The following BCOR variants were observed in gnomAD, a reference collection of about 807,000 sequenced individuals.
The protein encoded by BCOR is BCL-6 corepressor.
In BCOR, 10 loss-of-function variants were observed where a neutral mutation model predicts 86.7. The ratio of observed to expected loss-of-function variants is 0.12; its 90% CI spans 0.07 to 0.20. The LOEUF is 0.20. Among genes scored for constraint, BCOR ranks in the 10% least tolerant of loss-of-function variants. The pLI is 1.00. For missense variants in BCOR, 1,259 were observed against 1,452.1 expected, an observed-to-expected ratio of 0.87 and a Z score of 2.16; for synonymous variants, 611 against 609.0, an observed-to-expected ratio of 1.00 and a Z score of -0.05.
chrX:40,077,861 A>G lies in BCOR; in HGVS notation c.69T>C (p.Cys23=). 8.3e-7 allele frequency: 1 copy of G among 1,211,652 alleles called. No homozygotes were observed. Among genetic ancestry groups the G allele is most frequent in the South Asian group, 1.8e-5 (1 of 57,005 alleles). ...SWMNSERVRM[C]GASEDRKILV... ...GCATTCACCTGTCTTCGCTCGCCCC[A>G]CACATGCGGACCCTCTCGCTGTTCA... is the stretch of plus-strand genomic sequence containing the variant. Residue 23 remains cysteine (C), a synonymous_variant, in exon 2 of 15, where the codon TGT becomes TGC. Transcript: ENST00000378444.
chrX:40,078,655 A>G (rs910289788), intron 1 of BCOR, among the ~76,000 whole-genome samples: 2 of 112,327 alleles, frequency 1.8e-5, no homozygotes, highest in African/African-American at 6.5e-5. Context: ...GAGTAATTCA[A>G]TGACGCCTGC....
rs948045522 is a variant in BCOR at position 40,106,420 on chromosome X, T to C, written c.-40-28451A>G. Among the ~76,000 whole-genome samples, 11 of 112,055 alleles carry C rather than the reference T, an allele frequency of 9.8e-5. No individual in the cohort carries two copies. In the South Asian group the frequency reaches 3.6e-3, roughly 37 times the overall value. On this transcript the variant is annotated intron_variant, in intron 1 of 14. Coordinates refer to the BCOR transcript ENST00000342274. ...CCCGCGGGCCCGGAGTCCCCGCCTG[T>C]CTGGCTGCTAATCGCACGCTTTCTG...
intron 1 of BCOR, among the ~76,000 whole-genome samples, chrX:40,161,046 G>T (rs1569200152): frequency 9.5e-6 from 1 of 105,162 alleles, no homozygotes; most frequent in Non-Finnish European, 1.9e-5. Context: ...CTGTTGCCCA[G>T]GTCGAAGTGC....
At chrX:40,153,373 C>T (rs1938211976) in intron 1 of BCOR, among the ~76,000 whole-genome samples, 1 of 112,373 alleles carries the variant, frequency 8.9e-6, no homozygotes, top group Non-Finnish European at 1.9e-5. Context: ...TGTTTGATGA[C>T]CGCTTGGCGG....
At chrX:40,147,322 A>C (rs1232296254) in intron 1 of BCOR, among the ~76,000 whole-genome samples, 2 of 112,584 alleles carry the variant, frequency 1.8e-5, no homozygotes, top group Non-Finnish European at 3.8e-5. Context: ...CAAAACAAAA[A>C]AACCCTCCAG....
At chrX:40,139,498 T>TATA (rs1491292319) in intron 1 of BCOR, among the ~76,000 whole-genome samples, 1 of 10,923 alleles carries the variant, frequency 9.2e-5, no homozygotes, top group African/African-American at 4.9e-4. Context: ...TATATATATA[T>TATA]TTTTTTTTTT....
chrX:40,064,433 T>C lies in BCOR; in HGVS notation c.3405A>G (p.Lys1135=). ...GGCTGCTGTCACCTGAGACTTTGCGTTTCCTGTCCACCCGGAGGGTGGGGC... is the reference window on the plus strand; with the variant it reads ...GGCTGCTGTCACCTGAGACTTTGCGCTTCCTGTCCACCCGGAGGGTGGGGC... ...PHSPTLRVDR[K]RKVSGDSSHT... The change falls in exon 7 of 15, where the codon AAA becomes AAG. Residue 1135 remains lysine, a synonymous_variant. Transcript: ENST00000378444. The C allele has an allele frequency of 1.6e-6, 2 of 1,212,277 alleles. No homozygotes were observed. Among genetic ancestry groups the C allele is most frequent in the Non-Finnish European group, 1.1e-6 (1 of 895,601 alleles).
chrX:40,152,863 G>A (rs1007875739), intron 1 of BCOR, among the ~76,000 whole-genome samples: 1 of 113,158 alleles, frequency 8.8e-6, no homozygotes, highest in Admixed American at 9.2e-5. Flanking sequence ...ACTGCATTAA[G>A]GAGCTCCCGA....
intron 1 of BCOR, among the ~76,000 whole-genome samples, chrX:40,160,159 G>T (rs1938382367): frequency 9.1e-6 from 1 of 110,259 alleles, no homozygotes; most frequent in Non-Finnish European, 1.9e-5. Context: ...CCAGGCTGGA[G>T]TGCTGGAGCG....
intron 1 of BCOR, among the ~76,000 whole-genome samples, chrX:40,141,444 G>C (rs909902380): frequency 8.9e-6 from 1 of 112,816 alleles, no homozygotes; most frequent in Non-Finnish European, 1.9e-5. Context: ...TTGAGGAAGG[G>C]CACCTGTGAT....
At chrX:40,138,077 C>T (rs1161352376) in intron 1 of BCOR, among the ~76,000 whole-genome samples, 1 of 111,451 alleles carries the variant, frequency 9.0e-6, no homozygotes, top group Non-Finnish European at 1.9e-5. Flanking sequence ...CTCAGCCTCC[C>T]GAGTAGCTGG....
At chrX:40,085,157 G>A (rs1321981061) in intron 1 of BCOR, among the ~76,000 whole-genome samples, 4 of 113,108 alleles carry the variant, frequency 3.5e-5, no homozygotes, top group Non-Finnish European at 7.5e-5. Flanking sequence ...TGGCAGACGC[G>A]CAAATGAGGC....
At chrX:40,169,509 CGGCTTTTGTGT>C (rs1378970403) in intron 1 of BCOR, among the ~76,000 whole-genome samples, 1 of 111,581 alleles carries the variant, frequency 9.0e-6, no homozygotes, top group African/African-American at 3.3e-5. Context: ...ACCTCCTAAA[CGGCTTTTGTGT>C]GGCTTTTGTT....
chrX:40,106,670 G>A (rs751469065), intron 1 of BCOR, among the ~76,000 whole-genome samples: 11 of 113,009 alleles, frequency 9.7e-5, no homozygotes, highest in Non-Finnish European at 1.7e-4. Context: ...CTTCTCCGCG[G>A]CCCCGCGCGT....
intron 1 of BCOR, among the ~76,000 whole-genome samples, chrX:40,108,444 G>C (rs1288291971): frequency 8.8e-6 from 1 of 113,762 alleles, no homozygotes; most frequent in Non-Finnish European, 1.9e-5. Flanking sequence ...GCCTGGACCA[G>C]GGGAGGGAGC....
chrX:40,052,569 T>C, intron 14 of BCOR, among the ~76,000 whole-genome samples, 169 bp from the exon 15 acceptor site: 1 of 60,502 alleles, frequency 1.7e-5, no homozygotes, highest in African/African-American at 7.4e-5. Context: ...TTTTTTTTTT[T>C]TTTTTTTTTT....
chrX:40,172,417 G>A (rs954447426), intron 1 of BCOR, among the ~76,000 whole-genome samples: 3 of 113,056 alleles, frequency 2.7e-5, no homozygotes, highest in African/African-American at 9.6e-5. Context: ...GGGGGAAAGA[G>A]GGCAGCGCGG....
rs1271778444 is a variant in BCOR at position 40,063,921 on chromosome X, A to G, written c.3534T>C (p.Ser1178=). 8.3e-7 allele frequency: 1 copy of G among 1,204,802 alleles called. No individual in the cohort carries two copies. The highest frequency in any genetic ancestry group is 1.8e-5 in the South Asian group (1 of 56,377). Residue 1178 remains serine (S), a synonymous_variant, in exon 8 of 15, where the codon AGT becomes AGC. Transcript: ENST00000378444. ...DDWPEREMTN[S]SSNHLEDPHY... ...GTGGGTCTTCTAAGTGGTTAGAGGA[A>G]CTGTTTGTCATTTCCCTCTCAGGCC...
chrX:40,090,014 G>A (rs1424661818), intron 1 of BCOR, among the ~76,000 whole-genome samples: 1 of 111,977 alleles, frequency 8.9e-6, no homozygotes, highest in African/African-American at 3.2e-5. Flanking sequence ...GCAAACCTCA[G>A]GGCCCAACAT....
Sources: gnomAD v4.1 joint callset for allele counts (sites outside exome capture counted in the v4.1 genomes callset) on GRCh38, gnomAD v4.1.1 for gene constraint, MANE v1.5 for transcripts, NCBI Gene and HGNC (gene_info 2026-07-23, HGNC 2026-07-21) for gene names.